Variants in GZF1 observed in about 807,000 individuals in gnomAD.
GZF1 encodes GDNF-inducible zinc finger protein 1.
A neutral mutation model predicts 49.4 loss-of-function variants in GZF1; 28 were observed. The observed-to-expected ratio is 0.57, with a 90% CI of 0.42 to 0.78. The LOEUF (loss-of-function observed/expected upper bound fraction) is 0.78, where lower values mean the gene tolerates loss of function less well. Among genes scored for constraint, GZF1 ranks in the 30% least tolerant of loss-of-function variants. GZF1 has a pLI of 0.00. For synonymous variants in GZF1, 364 were observed against 356.0 expected, an observed-to-expected ratio of 1.02 and a Z score of -0.25; for missense variants, 798 against 916.2, an observed-to-expected ratio of 0.87 and a Z score of 1.67.
chr20:23,369,553 C>T (rs1424375840), intron 4 of GZF1, 31 bp from the exon 5 acceptor site: 1 of 1,575,052 alleles, frequency 6.3e-7, no homozygotes, highest in Non-Finnish European at 8.6e-7. Context: ...CCAAAGGGAC[C>T]CACCAGCAGT....
chr20:23,363,628 C>A (rs79806448), intron 1 of GZF1, among the ~76,000 whole-genome samples: 3,165 of 152,272 alleles, frequency 0.021, 38 homozygotes, highest in Middle Eastern at 0.071. Context: ...GCACCTTGGC[C>A]TATGTGTGGG....
rs1188594520 is a variant in GZF1, at chr20:23,371,624, G to C, written c.*1183G>C. On this transcript the variant is annotated 3_prime_UTR_variant, in exon 6 of 6. Coordinates refer to ENST00000338121, the MANE Select transcript of GZF1 (RefSeq NM_022482.5). ...TTCACAATGAAAAGACGATTCTGCT[G>C]TATTTGTTAAACGTTGACATTTGGT... The C allele has an allele frequency of 6.6e-6, 1 of 152,658 alleles. No individual in the cohort carries two copies. Among genetic ancestry groups the C allele is most frequent in the African/African-American group, 2.4e-5 (1 of 41,464 alleles). The allele number at this position is 152,658 out of a possible 1,614,324, so 9.5% of individuals were successfully genotyped here.
At chr20:23,369,351 A>C (rs551719920) in intron 4 of GZF1, among the ~76,000 whole-genome samples, 2 of 152,344 alleles carry the variant, frequency 1.3e-5, no homozygotes, top group African/African-American at 2.4e-5. Flanking sequence ...TATAGTTATA[A>C]TACCTGCTGC....
intron 3 of GZF1, among the ~76,000 whole-genome samples, chr20:23,368,154 G>A (rs1220743955): frequency 6.6e-6 from 1 of 152,218 alleles, no homozygotes; most frequent in Admixed American, 6.5e-5. Context: ...TATAATGAAG[G>A]ATTAAGTTAG....
intron 3 of GZF1, among the ~76,000 whole-genome samples, chr20:23,367,691 C>T (rs962451360): frequency 4.6e-5 from 7 of 152,196 alleles, no homozygotes; most frequent in Admixed American, 3.9e-4. Flanking sequence ...TTATATGATA[C>T]ATTAAGGTAG....
chr20:23,368,314 C>G (rs2123066201), intron 3 of GZF1, among the ~76,000 whole-genome samples: 1 of 152,252 alleles, frequency 6.6e-6, no homozygotes, highest in Non-Finnish European at 1.5e-5. Context: ...AAACTCTTGT[C>G]CTACAATTCA....
Position 23,372,620 on chromosome 20 carries a change from GGA to G in GZF1, c.*2180_*2181del, listed in dbSNP as rs1681942229. On this transcript the variant is annotated 3_prime_UTR_variant, in exon 6 of 6. Transcript: ENST00000338121. The stretch of plus-strand genomic sequence containing the variant: ...GAACAGAGAAACGTAACCCTGTAGG[GGA>G]CTGGTTACAGAGGACCTCCTGGAGC... 1 of 152,186 alleles carries G rather than the reference GGA, an allele frequency of 6.6e-6. No homozygotes were observed. The highest frequency in any genetic ancestry group is 1.5e-5 in the Non-Finnish European group (1 of 68,038). The allele number at this position is 152,186 out of a possible 1,614,324, so 9.4% of individuals were successfully genotyped here.
chr20:23,370,055 A>C (rs749164413), intron 5 of GZF1, 36 bp from the exon 6 acceptor site: 9 of 1,530,638 alleles, frequency 5.9e-6, no homozygotes, highest in Non-Finnish European at 4.5e-6. Flanking sequence ...GTCCAGAGAC[A>C]CATTCAGTGA....
chr20:23,363,561 A>C (rs1600528028), intron 1 of GZF1, among the ~76,000 whole-genome samples: 1 of 152,258 alleles, frequency 6.6e-6, no homozygotes, highest in Admixed American at 6.5e-5. Flanking sequence ...TCATGTCCCA[A>C]CCAGCCATTG....
At chr20:23,361,520 G>A (rs1038201652), upstream of GZF1, among the ~76,000 whole-genome samples, 1 of 152,190 alleles carries the variant, frequency 6.6e-6, no homozygotes, top group South Asian at 2.1e-4. Context: ...GGCAGGGTGC[G>A]GTCCCGGCTC....
At chr20:23,363,894 T>A (rs781319653) in intron 1 of GZF1, among the ~76,000 whole-genome samples, 1 of 152,246 alleles carries the variant, frequency 6.6e-6, no homozygotes, top group African/African-American at 2.4e-5. Flanking sequence ...AGTTATTTAG[T>A]TGGTTCTTTT....
rs750609719 is a variant in GZF1 at position 23,365,283 on chromosome 20, A to AGAGGAG, written c.915_920dup (p.Glu305_Glu306dup). On this transcript the variant is annotated inframe_insertion, in exon 2 of 6. Transcript: ENST00000338121. ...CAAAGAAAGCAGGGCCGGAGGAGGA[A>AGAGGAG]GAGGAGGAGGAGGAGGAGGACGAAG... 21 of 1,596,000 alleles carry AGAGGAG rather than the reference A, an allele frequency of 1.3e-5. No individual in the cohort carries two copies. The Admixed American group carries it at 1.4e-4, about 10-fold the overall frequency.
Position 23,365,627 on chromosome 20 carries a change from G to A in GZF1, c.1244G>A (p.Gly415Asp). The A allele has an allele frequency of 6.2e-7, 1 of 1,605,132 alleles. No individual in the cohort carries two copies. The highest frequency in any genetic ancestry group is 8.5e-7 in the Non-Finnish European group (1 of 1,179,324). ...CACCGCTGCGGCCAGTGCGGCAAGG[G>A]CCTGAGTTCCAAGACAGCGCTGCGG... ...ERHRCGQCGK[G>D]LSSKTALRLH... The change falls in exon 2 of 6, where the codon GGC becomes GAC. Residue 415 changes from glycine (G) to aspartate (D), a missense_variant. Physicochemically the swap from Gly to Asp is moderately conservative, Grantham distance 94. Coordinates refer to ENST00000338121, the MANE Select transcript of GZF1 (RefSeq NM_022482.5).
Position 23,364,382 on chromosome 20 carries a change from A to C in GZF1, c.-2A>C. 1 of 1,551,560 alleles carries C rather than the reference A, an allele frequency of 6.4e-7. No homozygotes were observed. ...TCAAAGCTGTTTTTGGAAGGAAGAA[A>C]GATGGAAAGCGGTGCAGTTCTGCTG... is the stretch of plus-strand genomic sequence containing the variant. On this transcript the variant is annotated 5_prime_UTR_variant, in exon 2 of 6. Transcript: ENST00000338121.
chr20:23,364,999 G>C lies in GZF1; in HGVS notation c.616G>C (p.Asp206His). The C allele has an allele frequency of 1.2e-6, 2 of 1,614,198 alleles. No homozygotes were observed. Among genetic ancestry groups the C allele is most frequent in the South Asian group, 1.1e-5 (1 of 91,074 alleles). Residue 206 changes from aspartate to histidine, a missense_variant, in exon 2 of 6, where the codon GAC (aspartate) becomes CAC (histidine). Coordinates refer to ENST00000338121, the MANE Select transcript of GZF1 (RefSeq NM_022482.5). ...ACCGAAGAAGTCCAAGGACAAACTA[G>C]ACAAGAAGAAAGAGGTAGTTAAACC... ...LPPKKSKDKLDKKKEVVKPPY... is the reference protein window; with the variant it reads ...LPPKKSKDKLHKKKEVVKPPY...
rs138734058 is a variant in GZF1 at position 23,370,053 on chromosome 20, A to G, written c.1786-38A>G. ...TTTTAAAAGATGCACTTGTCCAGAG[A>G]CACATTCAGTGACCTTTGTTTTGTG... is the stretch of plus-strand genomic sequence containing the variant. On this transcript the variant is annotated intron_variant, in intron 5 of 5. Coordinates refer to ENST00000338121, the MANE Select transcript of GZF1 (RefSeq NM_022482.5). 6.8e-5 allele frequency: 103 copies of G among 1,525,738 alleles called. No individual in the cohort carries two copies. The African/African-American group carries it at 1.3e-3, about 20-fold the overall frequency. 94.5% of individuals were successfully genotyped at this position (1,525,738 alleles called of 1,614,324 possible).
upstream of GZF1, among the ~76,000 whole-genome samples, chr20:23,361,635 G>A (rs1980669851): frequency 6.6e-6 from 1 of 152,202 alleles, no homozygotes; most frequent in Admixed American, 6.5e-5. Flanking sequence ...CAGCGCCCGT[G>A]GAGGCATCTG....
chr20:23,365,603 A>C lies in GZF1; in HGVS notation c.1220A>C (p.His407Pro), dbSNP rs1330629208. The C allele has an allele frequency of 1.9e-6, 3 of 1,607,764 alleles. No homozygotes were observed. In the East Asian group the frequency reaches 6.7e-5, roughly 36 times the overall value. ...LQVHEGGGER[H>P]RCGQCGKGLS... ...GTGCATGAGGGCGGCGGCGAGCGGCACCGCTGCGGCCAGTGCGGCAAGGGC... is the reference window on the plus strand; with the variant it reads ...GTGCATGAGGGCGGCGGCGAGCGGCCCCGCTGCGGCCAGTGCGGCAAGGGC... The change falls in exon 2 of 6, where the codon CAC (histidine) becomes CCC (proline). Residue 407 changes from histidine (H) to proline (P), a missense_variant. His to Pro is a moderately conservative substitution (Grantham distance 77). Transcript: ENST00000338121.
rs774974091 is a variant in GZF1, at chr20:23,369,002, C to T, written c.1627+73C>T. 3 of 1,324,708 alleles carry T rather than the reference C, an allele frequency of 2.3e-6. No homozygotes were observed. The South Asian group carries it at 4.5e-5, about 20-fold the overall frequency. The allele number at this position is 1,324,708 out of a possible 1,614,324, so 82.1% of individuals were successfully genotyped here. ...AAAATTCTAAAGCTTGTAGATTTAC[C>T]AGTAAATTACTTGGAACTAAGCTTT... On this transcript the variant is annotated intron_variant, in intron 4 of 5. Transcript: ENST00000338121.
Sources: gnomAD v4.1 joint callset for allele counts (sites outside exome capture counted in the v4.1 genomes callset) on GRCh38, gnomAD v4.1.1 for gene constraint, MANE v1.5 for transcripts, NCBI Gene and HGNC (gene_info 2026-07-23, HGNC 2026-07-21) for gene names.